Variants in MECOM observed in about 807,000 individuals in gnomAD.
MECOM encodes the protein histone-lysine N-methyltransferase MECOM.
In MECOM, 13 loss-of-function variants were observed where a neutral mutation model predicts 116.3. The ratio of observed to expected loss-of-function variants is 0.11; its 90% CI spans 0.07 to 0.18. The LOEUF is 0.18. Among genes scored for constraint, MECOM ranks in the 10% least tolerant of loss-of-function variants. The pLI is 1.00. For missense variants in MECOM, 1,299 were observed against 1,509.0 expected, an observed-to-expected ratio of 0.86 and a Z score of 2.31; for synonymous variants, 528 against 535.2, an observed-to-expected ratio of 0.99 and a Z score of 0.19.
At chr3:169,229,894 G>A (rs1176774364) in intron 2 of MECOM, among the ~76,000 whole-genome samples, 1 of 152,010 alleles carries the variant, frequency 6.6e-6, no homozygotes, top group Non-Finnish European at 1.5e-5. Flanking sequence ...AAAAATACTT[G>A]CAACATCAAG....
intron 1 of MECOM, among the ~76,000 whole-genome samples, chr3:169,488,372 C>CAAAAAAAAAAAAAAAAAAAA (rs758493062): frequency 1.6e-5 from 1 of 62,394 alleles, no homozygotes; most frequent in African/African-American, 5.5e-5. Flanking sequence ...ACTAAAAATA[C>CAAAAAAAAAAAAAAAAAAAA]AAAAAAAAAA....
intron 1 of MECOM, among the ~76,000 whole-genome samples, chr3:169,638,352 A>T (rs552609690): frequency 6.6e-6 from 1 of 152,068 alleles, no homozygotes; most frequent in African/African-American, 2.4e-5. Context: ...CCTTTGTGTG[A>T]CCCTCATGAA....
chr3:169,455,517 A>G (rs1171646774), intron 1 of MECOM, among the ~76,000 whole-genome samples: 1 of 152,178 alleles, frequency 6.6e-6, no homozygotes, highest in Non-Finnish European at 1.5e-5. Flanking sequence ...TCTCTGATTG[A>G]TGGGTTATCA....
rs116449161 is a variant in MECOM at position 169,461,353 on chromosome 3, A to T, written c.38-79829T>A. ...ACAGAAAGACATTTTTACATAAAAA[A>T]GTTGTCAACAAACACCAGGCTAGTG... On this transcript the variant is annotated intron_variant, in intron 1 of 16. Transcript: ENST00000651503. Among the ~76,000 whole-genome samples, 1,083 of 152,312 alleles carry T rather than the reference A, an allele frequency of 7.1e-3. 14 individuals are homozygous for T. Among genetic ancestry groups the T allele is most frequent in the African/African-American group, 0.025 (1,034 of 41,578 alleles).
chr3:169,273,765 G>T (rs1209039828), intron 2 of MECOM, among the ~76,000 whole-genome samples: 1 of 152,116 alleles, frequency 6.6e-6, no homozygotes, highest in African/African-American at 2.4e-5. Context: ...GCAGCAAGAA[G>T]TTCCTACTTA....
At chr3:169,563,387 C>T (rs139428334) in intron 1 of MECOM, among the ~76,000 whole-genome samples, 225 of 152,340 alleles carry the variant, frequency 1.5e-3, no homozygotes, top group African/African-American at 5.3e-3. Context: ...TTCATTGAAA[C>T]TTAAATCCAC....
At chr3:169,426,658 A>C (rs1224678583) in intron 1 of MECOM, among the ~76,000 whole-genome samples, 1 of 152,260 alleles carries the variant, frequency 6.6e-6, no homozygotes, top group Non-Finnish European at 1.5e-5. Context: ...AGTTTATAGC[A>C]GTCACAAATT....
At chr3:169,591,432 G>A (rs1480037258) in intron 1 of MECOM, among the ~76,000 whole-genome samples, 1 of 152,120 alleles carries the variant, frequency 6.6e-6, no homozygotes, top group South Asian at 2.1e-4. Flanking sequence ...TTGGAGAGTC[G>A]AGAGTCGGAT....
At chr3:169,420,406 G>A (rs1403553362) in intron 1 of MECOM, among the ~76,000 whole-genome samples, 1 of 152,010 alleles carries the variant, frequency 6.6e-6, no homozygotes, top group Non-Finnish European at 1.5e-5. Context: ...AGTTGGGCTG[G>A]GTGTTCTCTA....
Position 169,545,696 on chromosome 3 carries a change from C to T in MECOM, c.37+117640G>A, listed in dbSNP as rs563099085. On this transcript the variant is annotated intron_variant, in intron 1 of 16. Transcript: ENST00000651503. ...TCTCTGTCCTGGTCCAGTCCTGCAT[C>T]TGACATGAGTGCCACTCTGCCTGAG... 2.6e-5 allele frequency among the ~76,000 whole-genome samples: 4 copies of T among 152,310 alleles called. No individual in the cohort carries two copies. The East Asian group carries it at 7.7e-4, about 29-fold the overall frequency.
chr3:169,205,907 T>C (rs1220397163), intron 2 of MECOM, among the ~76,000 whole-genome samples: 1 of 152,200 alleles, frequency 6.6e-6, no homozygotes, highest in Non-Finnish European at 1.5e-5. Context: ...ATTGAAAATG[T>C]TCACCCCAAA....
chr3:169,370,308 T>C (rs925503147), intron 2 of MECOM, among the ~76,000 whole-genome samples: 1 of 151,936 alleles, frequency 6.6e-6, no homozygotes, highest in Admixed American at 6.6e-5. Flanking sequence ...CTGAGAAAAC[T>C]GAATATCTAA....
chr3:169,288,647 A>G (rs61428783), intron 2 of MECOM, among the ~76,000 whole-genome samples: 2,965 of 152,140 alleles, frequency 0.019, 137 homozygotes, highest in East Asian at 0.18. Flanking sequence ...GTGGTATTCT[A>G]TGGGGTTTTG....
At chr3:169,482,234 A>C (rs1246494343) in intron 1 of MECOM, among the ~76,000 whole-genome samples, 1 of 152,122 alleles carries the variant, frequency 6.6e-6, no homozygotes, top group Non-Finnish European at 1.5e-5. Context: ...TCTCATGATG[A>C]AACTAAGACA....
chr3:169,100,101 C>CTTTTTTTTT (rs869032341), intron 12 of MECOM, among the ~76,000 whole-genome samples: 19 of 50,630 alleles, frequency 3.8e-4, no homozygotes, highest in South Asian at 8.4e-4. Flanking sequence ...TTCTTTCTTT[C>CTTTTTTTTT]TTTTTTTTTT....
At chr3:169,661,860 G>A (rs1215711416) in intron 1 of MECOM, among the ~76,000 whole-genome samples, 3 of 152,172 alleles carry the variant, frequency 2.0e-5, no homozygotes, top group African/African-American at 4.8e-5. Context: ...TCATTTCTGC[G>A]TTCCGTAAAC....
At chr3:169,111,705 T>C (rs1402708529) in intron 9 of MECOM, among the ~76,000 whole-genome samples, 1 of 152,068 alleles carries the variant, frequency 6.6e-6, no homozygotes, top group Non-Finnish European at 1.5e-5. Context: ...TCTTTAGTAA[T>C]AGTAGATTTA....
chr3:169,159,951 T>C (rs1487031927), intron 2 of MECOM, among the ~76,000 whole-genome samples: 1 of 152,218 alleles, frequency 6.6e-6, no homozygotes, highest in Non-Finnish European at 1.5e-5. Context: ...GTCTAGCACA[T>C]ACTAAGCACC....
intron 1 of MECOM, among the ~76,000 whole-genome samples, chr3:169,479,717 A>G (rs1751008938): frequency 6.6e-6 from 1 of 150,856 alleles, no homozygotes. Flanking sequence ...AAGCAGACAC[A>G]TTTGGTGATA....
Sources: allele counts gnomAD v4.1 joint callset (sites outside exome capture counted in the v4.1 genomes callset), GRCh38; gene constraint gnomAD v4.1.1; transcripts MANE v1.5; gene names NCBI Gene and HGNC (gene_info 2026-07-23, HGNC 2026-07-21).